Variants in PTPN3 observed in about 807,000 individuals in gnomAD.
The protein encoded by PTPN3 is tyrosine-protein phosphatase non-receptor type 3.
In PTPN3, 96 loss-of-function variants were observed where a neutral mutation model predicts 132.7. The ratio of observed to expected loss-of-function variants is 0.72; its 90% CI spans 0.61 to 0.86. PTPN3 has a LOEUF of 0.86. Among genes scored for constraint, PTPN3 ranks in the 40% least tolerant of loss-of-function variants. PTPN3 has a pLI of 0.00. For missense variants in PTPN3, 1,125 were observed against 1,159.6 expected (o/e 0.97, Z 0.43); for synonymous variants, 398 against 429.0 (o/e 0.93, Z 0.89).
intron 1 of PTPN3, among the ~76,000 whole-genome samples, chr9:109,486,642 G>C (rs1189708286): frequency 2.0e-5 from 3 of 152,114 alleles, no homozygotes; most frequent in Non-Finnish European, 4.4e-5. Flanking sequence ...AGGGGCCTGG[G>C]GGCACTCATG....
intron 1 of PTPN3, among the ~76,000 whole-genome samples, chr9:109,485,226 G>A (rs183550201): frequency 7.9e-4 from 120 of 152,140 alleles, no homozygotes; most frequent in Middle Eastern, 3.4e-3. Flanking sequence ...ATAAAAAGTC[G>A]GCCGGGCGCG....
chr9:109,438,240 A>G lies in PTPN3; in HGVS notation c.467-6T>C. 1 of 1,606,562 alleles carries G rather than the reference A, an allele frequency of 6.2e-7. No homozygotes were observed. Among genetic ancestry groups the G allele is most frequent in the Non-Finnish European group, 8.5e-7 (1 of 1,177,642 alleles). On this transcript the variant is annotated splice_region_variant and splice_polypyrimidine_tract_variant and intron_variant, in intron 7 of 25. Transcript: ENST00000374541. ...ATTATAGTCTCCAAAATGAGCTATC[A>G]AGACAGAAGAAGGGGAAAATCATAA...
At chr9:109,393,571 G>A (rs1840315903) in intron 19 of PTPN3, among the ~76,000 whole-genome samples, 1 of 151,804 alleles carries the variant, frequency 6.6e-6, no homozygotes, top group Non-Finnish European at 1.5e-5. Context: ...ATTTTTAGTA[G>A]AGACAGGGTT....
intron 1 of PTPN3, among the ~76,000 whole-genome samples, chr9:109,470,900 GGTTACCATCCACAGAGATTTT>G (rs1276505642): frequency 1.3e-5 from 2 of 152,046 alleles, no homozygotes; most frequent in African/African-American, 4.8e-5. Flanking sequence ...GCAGATTCTT[GGTTACCATCCACAGAGATTTT>G]GGTTCAGTAA....
rs781529627 is a variant in PTPN3 at position 109,391,126 on chromosome 9, T to C, written c.2106+12A>G. On this transcript the variant is annotated intron_variant, in intron 21 of 25. Coordinates refer to ENST00000374541, the MANE Select transcript of PTPN3 (RefSeq NM_002829.4). Reference sequence around the variant, plus strand: ...AATGTGCTCTTAAGCATCATCCAGATTCCTAACTTACGTTCACGTAACTTG... The same window carrying C: ...AATGTGCTCTTAAGCATCATCCAGACTCCTAACTTACGTTCACGTAACTTG... 1 of 1,608,834 alleles carries C rather than the reference T, an allele frequency of 6.2e-7. No individual in the cohort carries two copies. Among genetic ancestry groups the C allele is most frequent in the South Asian group, 1.1e-5 (1 of 90,774 alleles).
At chr9:109,480,587 T>C (rs1846910809) in intron 1 of PTPN3, among the ~76,000 whole-genome samples, 1 of 152,250 alleles carries the variant, frequency 6.6e-6, no homozygotes, top group Non-Finnish European at 1.5e-5. Context: ...TAGTGTCATA[T>C]CCAAGAATTC....
At chr9:109,467,390 C>T (rs1846154074) in intron 1 of PTPN3, among the ~76,000 whole-genome samples, 1 of 152,116 alleles carries the variant, frequency 6.6e-6, no homozygotes, top group Admixed American at 6.5e-5. Context: ...GGTGATTCAG[C>T]ATCCTCAGGT....
intron 1 of PTPN3, among the ~76,000 whole-genome samples, chr9:109,485,589 C>T (rs1482266318): frequency 1.3e-5 from 2 of 152,214 alleles, no homozygotes; most frequent in Admixed American, 6.5e-5. Flanking sequence ...GATCCTCGCC[C>T]TCTTCTCCTG....
At chr9:109,484,031 A>G (rs568921703) in intron 1 of PTPN3, among the ~76,000 whole-genome samples, 7 of 152,030 alleles carry the variant, frequency 4.6e-5, no homozygotes, top group African/African-American at 1.7e-4. Flanking sequence ...TCCAATTCCA[A>G]CTTCCTCCTC....
At chr9:109,435,880 A>G (rs10979863) in intron 9 of PTPN3, among the ~76,000 whole-genome samples, 51,131 of 152,166 alleles carry the variant, frequency 0.34, 9,498 homozygotes, top group African/African-American at 0.48. Flanking sequence ...CTTATTTCCT[A>G]TATCACAACT....
intron 14 of PTPN3, among the ~76,000 whole-genome samples, chr9:109,412,948 T>C (rs1020977673): frequency 1.3e-5 from 2 of 151,644 alleles, no homozygotes; most frequent in African/African-American, 2.4e-5. Context: ...ACCTATTTTT[T>C]TTTTTTTTTG....
At chr9:109,440,394 G>C (rs1331869927) in intron 7 of PTPN3, among the ~76,000 whole-genome samples, 1 of 152,256 alleles carries the variant, frequency 6.6e-6, no homozygotes, top group Non-Finnish European at 1.5e-5. Context: ...GAAATTGCTA[G>C]AAAGCATTAG....
At chr9:109,508,224 G>A in the PTPN3 span, among the ~76,000 whole-genome samples, 257 of 150,974 alleles carry the variant, frequency 1.7e-3, 2 homozygotes, top group African/African-American at 6.1e-3. Flanking sequence ...GCAGCGGCGC[G>A]ATCTTGGCTC....
chr9:109,417,757 CCT>C (rs1169095279), intron 14 of PTPN3: 32 of 985,208 alleles, frequency 3.2e-5, no homozygotes, highest in Admixed American at 6.2e-5. Flanking sequence ...AACTTGACCC[CCT>C]GACATGTCTA....
intron 1 of PTPN3, among the ~76,000 whole-genome samples, chr9:109,469,356 C>T (rs567021240): frequency 3.3e-5 from 5 of 152,212 alleles, no homozygotes; most frequent in East Asian, 1.9e-4. Context: ...CAGTGGCTCA[C>T]GCCTGTATTC....
At chr9:109,474,641 T>C (rs957082645) in intron 1 of PTPN3, among the ~76,000 whole-genome samples, 9 of 152,112 alleles carry the variant, frequency 5.9e-5, no homozygotes, top group Non-Finnish European at 1.2e-4. Context: ...AATGCACGCA[T>C]GGTATGGGAA....
upstream of PTPN3, among the ~76,000 whole-genome samples, chr9:109,500,586 C>T (rs560485841): frequency 6.7e-5 from 10 of 150,006 alleles, no homozygotes; most frequent in Admixed American, 4.6e-4. Flanking sequence ...TTAAAAAGAC[C>T]ATGTTGCAAC....
chr9:109,480,646 G>C (rs1846912806), intron 1 of PTPN3, among the ~76,000 whole-genome samples: 2 of 152,086 alleles, frequency 1.3e-5, no homozygotes, highest in Admixed American at 1.3e-4. Context: ...TTTCTTCTAG[G>C]AGTTTTATGG....
chr9:109,387,559 C>T (rs754787094), intron 22 of PTPN3, among the ~76,000 whole-genome samples: 6 of 152,184 alleles, frequency 3.9e-5, no homozygotes, highest in Non-Finnish European at 7.3e-5. Flanking sequence ...GATGAGGCAG[C>T]CAGTCCAGGG....
Sources: gnomAD v4.1 joint callset for allele counts (sites outside exome capture counted in the v4.1 genomes callset) on GRCh38, gnomAD v4.1.1 for gene constraint, MANE v1.5 for transcripts, NCBI Gene and HGNC (gene_info 2026-07-23, HGNC 2026-07-21) for gene names.